The following TRPC4AP variants were observed in gnomAD, a reference collection of about 807,000 sequenced individuals.
TRPC4AP encodes the protein transient receptor potential cation channel subfamily C member 4 associated protein, also known as short transient receptor potential channel 4-associated protein.
Under a neutral mutation model 99.0 loss-of-function variants are expected in TRPC4AP, and 45 were observed. The observed-to-expected ratio is 0.45, with a 90% confidence interval of 0.36 to 0.58. TRPC4AP has a LOEUF of 0.58. TRPC4AP is among the 20% of genes least tolerant of loss of function. TRPC4AP has a pLI of 0.00. For synonymous variants in TRPC4AP, 408 were observed against 385.8 expected (o/e 1.06, Z -0.67); for missense variants, 879 against 985.3 (o/e 0.89, Z 1.44).
chr20:35,037,441 G>T (rs1457170604), intron 7 of TRPC4AP, among the ~76,000 whole-genome samples: 1 of 151,608 alleles, frequency 6.6e-6, no homozygotes, highest in African/African-American at 2.4e-5. Context: ...TTGAAAACAG[G>T]TGCACACACA....
intron 6 of TRPC4AP, among the ~76,000 whole-genome samples, chr20:35,048,065 G>C (rs150239095): frequency 7.0e-4 from 106 of 152,182 alleles, no homozygotes; most frequent in African/African-American, 2.5e-3. Context: ...GTATTGATTT[G>C]CATTTCCTTG....
Position 35,003,135 on chromosome 20 carries a change from C to T in TRPC4AP, c.*11G>A, listed in dbSNP as rs748206967. 2.9e-5 allele frequency: 46 copies of T among 1,613,796 alleles called. No individual in the cohort carries two copies. Among genetic ancestry groups the T allele is most frequent in the Non-Finnish European group, 3.7e-5 (44 of 1,179,894 alleles). ...CACTGGCCCAGCAGCCTCCCGAGGC[C>T]TGGCCCAAGGTCACTCCTCAGTGAA... On this transcript the variant is annotated 3_prime_UTR_variant, in exon 19 of 19. Transcript: ENST00000252015.
At chr20:35,063,801 C>G (rs1372782592) in intron 3 of TRPC4AP, among the ~76,000 whole-genome samples, 2 of 152,098 alleles carry the variant, frequency 1.3e-5, no homozygotes, top group Non-Finnish European at 2.9e-5. Context: ...TTCAAGGCTG[C>G]AGTGAGCTAG....
At chr20:35,092,468 C>A in intron 1 of TRPC4AP, 146 bp downstream of exon 1, 1 of 976,378 alleles carries the variant, frequency 1.0e-6, no homozygotes, top group Non-Finnish European at 1.4e-6. Flanking sequence ...CAGCTGAGAG[C>A]GTCCGGGCAG....
chr20:35,054,855 C>G (rs1266897155), intron 5 of TRPC4AP, 121 bp downstream of exon 5: 4 of 826,812 alleles, frequency 4.8e-6, no homozygotes, highest in Non-Finnish European at 7.6e-6. Flanking sequence ...TAAAATAAGC[C>G]CGATTCCCCC....
intron 1 of TRPC4AP, among the ~76,000 whole-genome samples, chr20:35,079,071 A>G (rs2084557009): frequency 1.3e-5 from 2 of 152,214 alleles, no homozygotes; most frequent in Non-Finnish European, 2.9e-5. Flanking sequence ...GTCTCAAAAA[A>G]TAGAAAAGGG....
chr20:35,015,511 G>T (rs1453301949), intron 10 of TRPC4AP, among the ~76,000 whole-genome samples: 13 of 145,218 alleles, frequency 9.0e-5, no homozygotes, highest in Non-Finnish European at 1.9e-4. Flanking sequence ...TACGCAGGCT[G>T]GAGTCCAGTG....
intron 3 of TRPC4AP, among the ~76,000 whole-genome samples, chr20:35,064,876 T>C (rs1255530455): frequency 6.6e-6 from 1 of 152,242 alleles, no homozygotes; most frequent in Non-Finnish European, 1.5e-5. Context: ...ATAACCATTA[T>C]CTTCTCCTGG....
intron 4 of TRPC4AP, among the ~76,000 whole-genome samples, chr20:35,057,000 T>G (rs2083846869): frequency 1.6e-5 from 1 of 63,874 alleles, no homozygotes; most frequent in Non-Finnish European, 3.2e-5. Flanking sequence ...AAAAAAAAAT[T>G]GAATACCTAA....
At chr20:35,089,416 A>G (rs1220400389) in intron 1 of TRPC4AP, among the ~76,000 whole-genome samples, 1 of 126,088 alleles carries the variant, frequency 7.9e-6, no homozygotes, top group Admixed American at 8.4e-5. Flanking sequence ...TTTTTTTTGT[A>G]GTAGAGCTGG....
At chr20:35,048,775 G>A (rs564292719) in intron 6 of TRPC4AP, among the ~76,000 whole-genome samples, 36 of 152,318 alleles carry the variant, frequency 2.4e-4, no homozygotes, top group African/African-American at 8.7e-4. Context: ...AGACTGCTAA[G>A]GAGTCTGGAG....
At position 35,003,020 on chromosome 20, in the gene TRPC4AP, G is replaced by C. The variant is rs903103160; in HGVS notation, c.*126C>G. On this transcript the variant is annotated 3_prime_UTR_variant, in exon 19 of 19. Transcript: ENST00000252015. ...GCTTCTAGGACTTCCCTCCCACCAA[G>C]CCTGTACCCAAAGACCTGGGGCAGG... is the stretch of plus-strand genomic sequence containing the variant. 1 of 1,382,718 alleles carries C rather than the reference G, an allele frequency of 7.2e-7. No individual in the cohort carries two copies. Among genetic ancestry groups the C allele is most frequent in the East Asian group, 2.3e-5 (1 of 43,326 alleles). 85.7% of individuals were successfully genotyped at this position (1,382,718 alleles called of 1,614,324 possible).
intron 8 of TRPC4AP, among the ~76,000 whole-genome samples, chr20:35,029,376 A>ATCTTG (rs2083111109): frequency 6.6e-6 from 1 of 152,212 alleles, no homozygotes; most frequent in African/African-American, 2.4e-5. Context: ...TATAGGCTGC[A>ATCTTG]TATAACTGGA....
At chr20:35,006,172 C>T (rs115638204) in intron 15 of TRPC4AP, among the ~76,000 whole-genome samples, 2,136 of 152,316 alleles carry the variant, frequency 0.014, 69 homozygotes, top group African/African-American at 0.049. Context: ...GTGGCACCCA[C>T]CATGCTGCGT....
intron 8 of TRPC4AP, among the ~76,000 whole-genome samples, chr20:35,031,213 A>G (rs1162090406): frequency 1.3e-5 from 2 of 151,416 alleles, no homozygotes; most frequent in Non-Finnish European, 2.9e-5. Flanking sequence ...TACTACTTTC[A>G]AGATTTTCTT....
chr20:35,077,732 T>G (rs938531797), intron 2 of TRPC4AP, among the ~76,000 whole-genome samples: 1 of 152,118 alleles, frequency 6.6e-6, no homozygotes, highest in Non-Finnish European at 1.5e-5. Flanking sequence ...TAAACCCTTT[T>G]CAAAAAGAAT....
intron 9 of TRPC4AP, among the ~76,000 whole-genome samples, chr20:35,018,903 G>T (rs2082820600): frequency 6.6e-6 from 1 of 152,190 alleles, no homozygotes; most frequent in Non-Finnish European, 1.5e-5. Flanking sequence ...AAAAGGCGAT[G>T]GGGGACGATG....
chr20:35,089,040 C>CTTTTTT (rs33911641), intron 1 of TRPC4AP, among the ~76,000 whole-genome samples: 4 of 147,608 alleles, frequency 2.7e-5, no homozygotes, highest in East Asian at 2.0e-4. Flanking sequence ...AACTATACAC[C>CTTTTTT]TTTTTTTTTT....
intron 6 of TRPC4AP, among the ~76,000 whole-genome samples, chr20:35,046,621 G>T (rs1242603008): frequency 2.0e-5 from 3 of 152,200 alleles, no homozygotes; most frequent in Admixed American, 1.3e-4. Context: ...AAGCTCTCAT[G>T]AATCCCATAC....
Sources: allele counts gnomAD v4.1 joint callset (sites outside exome capture counted in the v4.1 genomes callset), GRCh38; gene constraint gnomAD v4.1.1; transcripts MANE v1.5; gene names NCBI Gene and HGNC (gene_info 2026-07-23, HGNC 2026-07-21).